Variants in ASTN2 observed in about 807,000 individuals in gnomAD.
ASTN2 encodes astrotactin 2, also known as astrotactin-2.
In ASTN2, 54 loss-of-function variants were observed where a neutral mutation model predicts 139.8. The observed-to-expected ratio is 0.39, with a 90% CI of 0.31 to 0.48. The LOEUF is 0.48. Among genes scored for constraint, ASTN2 ranks in the 20% least tolerant of loss-of-function variants. ASTN2 has a pLI of 0.95. For synonymous variants in ASTN2, 756 were observed against 719.5 expected, an observed-to-expected ratio of 1.05 and a Z score of -0.81; for missense variants, 1,565 against 1,725.1, an observed-to-expected ratio of 0.91 and a Z score of 1.64.
intron 14 of ASTN2, among the ~76,000 whole-genome samples, chr9:116,731,706 G>A (rs1445254220): frequency 6.6e-6 from 1 of 152,184 alleles, no homozygotes; most frequent in East Asian, 1.9e-4. Context: ...TTACAGGCAT[G>A]AGCCACTGCG....
chr9:117,045,993 T>C (rs1464038229), intron 5 of ASTN2, among the ~76,000 whole-genome samples: 1 of 145,978 alleles, frequency 6.9e-6, no homozygotes, highest in Non-Finnish European at 1.5e-5. Flanking sequence ...CGTACGTACG[T>C]ATGTATGTAT....
intron 19 of ASTN2, among the ~76,000 whole-genome samples, chr9:116,518,819 C>G (rs1389102832): frequency 2.0e-5 from 3 of 152,016 alleles, no homozygotes; most frequent in South Asian, 4.2e-4. Flanking sequence ...AAAAGATATT[C>G]CATGCAAACA....
chr9:116,514,775 G>A (rs1850566931), intron 19 of ASTN2, among the ~76,000 whole-genome samples: 1 of 152,178 alleles, frequency 6.6e-6, no homozygotes. Context: ...GAGGCTCCAT[G>A]GGCATGGGAC....
At chr9:117,303,287 T>C (rs1834920722) in intron 1 of ASTN2, among the ~76,000 whole-genome samples, 1 of 152,102 alleles carries the variant, frequency 6.6e-6, no homozygotes, top group African/African-American at 2.4e-5. Flanking sequence ...AAGATTAAAA[T>C]AGAAACCCAA....
intron 22 of ASTN2, among the ~76,000 whole-genome samples, chr9:116,440,408 T>G (rs1473300504): frequency 6.6e-6 from 1 of 152,164 alleles, no homozygotes. Context: ...CATTCAACAT[T>G]CCAGGAGTGC....
At chr9:116,552,771 A>G (rs149730102) in intron 19 of ASTN2, among the ~76,000 whole-genome samples, 1 of 152,120 alleles carries the variant, frequency 6.6e-6, no homozygotes, top group Non-Finnish European at 1.5e-5. Context: ...GTGCCCTAAA[A>G]CTTGGCATCA....
intron 10 of ASTN2, among the ~76,000 whole-genome samples, chr9:116,879,856 A>G (rs989674104): frequency 1.3e-5 from 2 of 152,216 alleles, no homozygotes; most frequent in African/African-American, 4.8e-5. Flanking sequence ...ACTTGGTGTC[A>G]AGACTTGTTT....
intron 10 of ASTN2, among the ~76,000 whole-genome samples, chr9:116,935,363 T>A (rs1835038062): frequency 6.6e-6 from 1 of 152,230 alleles, no homozygotes; most frequent in South Asian, 2.1e-4. Flanking sequence ...TCTCTGAACC[T>A]TATGGTCTTT....
chr9:117,331,059 C>A (rs1828690948), intron 1 of ASTN2, among the ~76,000 whole-genome samples: 1 of 152,198 alleles, frequency 6.6e-6, no homozygotes, highest in Non-Finnish European at 1.5e-5. Flanking sequence ...ACTTGTGTAA[C>A]CCACTTGGGT....
intron 22 of ASTN2, among the ~76,000 whole-genome samples, chr9:116,430,756 C>T (rs1297797027): frequency 2.6e-5 from 4 of 152,222 alleles, no homozygotes; most frequent in Non-Finnish European, 5.9e-5. Context: ...ATTTAGAAAA[C>T]AAAGAAGAAT....
chr9:116,512,061 G>A (rs1028369435), intron 19 of ASTN2, among the ~76,000 whole-genome samples: 6 of 152,158 alleles, frequency 3.9e-5, no homozygotes, highest in Admixed American at 2.0e-4. Context: ...GAATGTGTTT[G>A]CTCTTGCTTC....
intron 12 of ASTN2, 41 bp downstream of exon 12, chr9:116,820,576 T>G (rs773493196): frequency 1.3e-6 from 2 of 1,596,636 alleles, no homozygotes; most frequent in East Asian, 4.5e-5. Flanking sequence ...ATCCCTCACT[T>G]CTGTAAATGG....
intron 5 of ASTN2, among the ~76,000 whole-genome samples, chr9:117,061,967 A>G (rs1587919421): frequency 6.6e-6 from 1 of 152,276 alleles, no homozygotes; most frequent in East Asian, 1.9e-4. Flanking sequence ...CACTGTCCAT[A>G]CTTCTACAGA....
At chr9:116,634,589 C>CAAAAAAAA (rs57882262) in intron 17 of ASTN2, among the ~76,000 whole-genome samples, 1 of 104,238 alleles carries the variant, frequency 9.6e-6, no homozygotes, top group African/African-American at 3.9e-5. Flanking sequence ...GACTCCGTCT[C>CAAAAAAAA]AAAAAAAAAA....
At chr9:116,803,522 A>ATATATTTTTTT (rs1554748694) in intron 13 of ASTN2, among the ~76,000 whole-genome samples, 15 of 21,102 alleles carry the variant, frequency 7.1e-4, no homozygotes, top group African/African-American at 1.5e-3. Context: ...ATATATATAT[A>ATATATTTTTTT]TTTTTTTTTT....
At chr9:116,640,185 G>A (rs964689843) in intron 17 of ASTN2, among the ~76,000 whole-genome samples, 1 of 152,006 alleles carries the variant, frequency 6.6e-6, no homozygotes, top group African/African-American at 2.4e-5. Context: ...CTTTTTGCAA[G>A]GTGCAAAAGA....
In ASTN2 at chr9:117,164,281, T is replaced by C. The variant is rs374000530; in HGVS notation, c.1016-22803A>G. ...CAGGATGAGAATGCAGGCAGAAATC[T>C]GCCCCTAAGTTCAGCACTCTTTCTG... is the stretch of plus-strand genomic sequence containing the variant. On this transcript the variant is annotated intron_variant, in intron 3 of 22. Transcript: ENST00000313400. Among the ~76,000 whole-genome samples the C allele has an allele frequency of 1.9e-4, 29 of 152,170 alleles. No individual in the cohort carries two copies. In the East Asian group the frequency reaches 4.3e-3, roughly 23 times the overall value.
At chr9:116,443,124 C>T (rs563564795) in intron 20 of ASTN2, among the ~76,000 whole-genome samples, 52 of 152,078 alleles carry the variant, frequency 3.4e-4, no homozygotes, top group Non-Finnish European at 7.1e-4. Context: ...AAGACTAATG[C>T]GGGAGCATGG....
In ASTN2 at chr9:116,487,388, G is replaced by C. The variant is rs1181093014; in HGVS notation, c.3468C>G (p.Phe1156Leu). The C allele has an allele frequency of 3.1e-6, 5 of 1,614,068 alleles. No homozygotes were observed. Among genetic ancestry groups the C allele is most frequent in the Non-Finnish European group, 4.2e-6 (5 of 1,179,966 alleles). The change falls in exon 20 of 23, where the codon TTC (phenylalanine) becomes TTG (leucine). Residue 1156 changes from phenylalanine (F) to leucine (L), a missense_variant. Physicochemically the swap from Phe to Leu is conservative, Grantham distance 22. This residue lies in a region of ASTN2 where 418 missense variants were observed against 465.8 expected (regional missense o/e 0.90). Coordinates refer to ENST00000313400, the MANE Select transcript of ASTN2 (RefSeq NM_001365068.1). Reference sequence around the variant, plus strand: ...AGAGACCGTCGGGCTCCAGACACTTGAAGATGACTGAGTAGATACTGACTT... The same window carrying C: ...AGAGACCGTCGGGCTCCAGACACTTCAAGATGACTGAGTAGATACTGACTT... ...VPEVSIYSVI[F>L]KCLEPDGLYK...
Sources: allele counts gnomAD v4.1 joint callset (sites outside exome capture counted in the v4.1 genomes callset), GRCh38; gene constraint gnomAD v4.1.1; regional missense constraint gnomAD v4.1.1; transcripts MANE v1.5; gene names NCBI Gene and HGNC (gene_info 2026-07-23, HGNC 2026-07-21).